SEPTIN9: variants seen among roughly 807,000 people sequenced by gnomAD.
SEPTIN9 encodes septin 9.
SEPTIN9 carries 13 observed loss-of-function variants against 56.6 expected under a neutral mutation model. That is an observed-to-expected ratio of 0.23 (90% confidence interval 0.15 to 0.37). The LOEUF (loss-of-function observed/expected upper bound fraction) is 0.37. Among genes scored for constraint, SEPTIN9 ranks in the 10% least tolerant of loss-of-function variants. The probability of loss-of-function intolerance (pLI) is 1.00; values close to 1 mark genes in which losing one functional copy is unlikely to be tolerated. For synonymous variants in SEPTIN9, 332 were observed against 334.1 expected, an observed-to-expected ratio of 0.99 and a Z score of 0.07; for missense variants, 650 against 823.1, an observed-to-expected ratio of 0.79 and a Z score of 2.57.
chr17:77,416,397 C>G (rs2036509015), intron 3 of SEPTIN9, among the ~76,000 whole-genome samples: 1 of 152,168 alleles, frequency 6.6e-6, no homozygotes, highest in Non-Finnish European at 1.5e-5. Context: ...GGATGCTTGG[C>G]GTTGGTGCTG....
Position 77,445,146 on chromosome 17 carries a change from A to C in SEPTIN9, c.722-36998A>C, listed in dbSNP as rs978405997. On this transcript the variant is annotated intron_variant, in intron 3 of 11. Coordinates refer to ENST00000427177, the MANE Select transcript of SEPTIN9 (RefSeq NM_001113491.2). The surrounding 1 kb of genome is among the most constrained non-coding windows in gnomAD (Gnocchi z 4.7). ...AGGGTTTCCCCAGCCTGCCAACCCA[A>C]GGGTGGCAGGAGCTGTGGGTGCTCC... 9 of 469,658 alleles carry C rather than the reference A, an allele frequency of 1.9e-5. No individual in the cohort carries two copies. Among genetic ancestry groups the C allele is most frequent in the Non-Finnish European group, 3.5e-5 (8 of 226,182 alleles). The allele number at this position is 469,658 out of a possible 1,614,324, so 29.1% of individuals were successfully genotyped here.
chr17:77,394,712 C>A (rs1012819199), intron 2 of SEPTIN9, among the ~76,000 whole-genome samples: 2 of 152,154 alleles, frequency 1.3e-5, no homozygotes, highest in African/African-American at 4.8e-5. Flanking sequence ...GATATGTACA[C>A]CAGGAAGTGC....
At chr17:77,387,760 A>G (rs2035386697) in intron 2 of SEPTIN9, among the ~76,000 whole-genome samples, 1 of 152,096 alleles carries the variant, frequency 6.6e-6, no homozygotes, top group African/African-American at 2.4e-5. Flanking sequence ...TGTCCCTGCC[A>G]CACTTGATGG....
rs2034367184 is a variant in SEPTIN9 at position 77,360,128 on chromosome 17, G to C, written c.77-41931G>C. Among the ~76,000 whole-genome samples the C allele has an allele frequency of 8.3e-5, 12 of 145,170 alleles. No homozygotes were observed. The South Asian group carries it at 2.6e-3, about 32-fold the overall frequency. ...GCCAAGATCACACCATTGCACTCCA[G>C]CCTGGAGAAAAAAAGCAAAACTCTG... On this transcript the variant is annotated intron_variant, in intron 2 of 11. Coordinates refer to ENST00000427177, the MANE Select transcript of SEPTIN9 (RefSeq NM_001113491.2).
At position 77,321,541 on chromosome 17, in the gene SEPTIN9, A is replaced by G. The variant is rs1598189829; in HGVS notation, c.76+14344A>G. The stretch of plus-strand genomic sequence containing the variant: ...CAGCCTCCCAAGCAGCTGGGACTAT[A>G]GGCGCCCGCCATATTTTTTTGTATT... On this transcript the variant is annotated intron_variant, in intron 2 of 11. Coordinates refer to ENST00000427177, the MANE Select transcript of SEPTIN9 (RefSeq NM_001113491.2). Among the ~76,000 whole-genome samples the G allele has an allele frequency of 2.0e-5, 3 of 149,548 alleles. No homozygotes were observed. The South Asian group carries it at 6.4e-4, about 32-fold the overall frequency.
chr17:77,412,174 G>A (rs979056673), intron 3 of SEPTIN9, among the ~76,000 whole-genome samples: 1 of 150,750 alleles, frequency 6.6e-6, no homozygotes, highest in Non-Finnish European at 1.5e-5. Context: ...TTCCTGAATT[G>A]GCCTCTAAAG....
At chr17:77,336,047 A>G (rs1004968569) in intron 2 of SEPTIN9, among the ~76,000 whole-genome samples, 6 of 35,372 alleles carry the variant, frequency 1.7e-4, no homozygotes, top group African/African-American at 3.4e-4. Flanking sequence ...ATGTGGTCCT[A>G]TATTAGTATA....
rs578209483 is a variant in SEPTIN9, at chr17:77,400,017, T to C, written c.77-2042T>C. 2.6e-5 allele frequency among the ~76,000 whole-genome samples: 4 copies of C among 152,288 alleles called. No homozygotes were observed. Among genetic ancestry groups the C allele is most frequent in the African/African-American group, 9.6e-5 (4 of 41,546 alleles). ...TTTGTGGAGACAGAGTCTCGCTCTG[T>C]CAGTCAGGCTGAGTGCAGTGACACG... On this transcript the variant is annotated intron_variant, in intron 2 of 11. Transcript: ENST00000427177. The surrounding 1 kb of genome is among the most constrained non-coding windows in gnomAD (Gnocchi z 4.1).
rs2033255948 is a variant in SEPTIN9 at position 77,329,180 on chromosome 17, T to C, written c.76+21983T>C. On this transcript the variant is annotated intron_variant, in intron 2 of 11. Transcript: ENST00000427177. The surrounding 1 kb of genome is among the most constrained non-coding windows in gnomAD (Gnocchi z 4.3). ...TGGGACCTCAGTGCCCTGTGGCTGC[T>C]GAGAATGGCCAGGGGCAGGCAGGGA... 2.0e-5 allele frequency among the ~76,000 whole-genome samples: 3 copies of C among 152,138 alleles called. No individual in the cohort carries two copies. Among genetic ancestry groups the C allele is most frequent in the African/African-American group, 7.2e-5 (3 of 41,412 alleles).
rs527532921 is a variant in SEPTIN9, at chr17:77,317,923, C to T, written c.76+10726C>T. ...AAAATTAGCCGGACACGGTGGCAGG[C>T]GTCTGTAGTCCCAGCTTCTTGGGAG... On this transcript the variant is annotated intron_variant, in intron 2 of 11. Transcript: ENST00000427177. The surrounding 1 kb of genome is among the most constrained non-coding windows in gnomAD (Gnocchi z 4.2). 7.9e-5 allele frequency among the ~76,000 whole-genome samples: 12 copies of T among 152,074 alleles called. No individual in the cohort carries two copies. The South Asian group carries it at 1.7e-3, about 21-fold the overall frequency.
At chr17:77,455,103 A>G (rs1056775579) in intron 3 of SEPTIN9, among the ~76,000 whole-genome samples, 2 of 151,494 alleles carry the variant, frequency 1.3e-5, no homozygotes, top group Non-Finnish European at 2.9e-5. Context: ...CGATTTGTCA[A>G]TGCATTCATT....
At chr17:77,474,846 TTA>T (rs1270595484) in intron 3 of SEPTIN9, among the ~76,000 whole-genome samples, 1 of 152,076 alleles carries the variant, frequency 6.6e-6, no homozygotes, top group African/African-American at 2.4e-5. Context: ...GATCCATCAG[TTA>T]TAATAGCTCC....
intron 2 of SEPTIN9, among the ~76,000 whole-genome samples, chr17:77,396,552 T>C (rs1356330736): frequency 6.6e-6 from 1 of 150,852 alleles, no homozygotes; most frequent in African/African-American, 2.5e-5. Context: ...ACTGTGAGGA[T>C]GGTGGCAGGG....
intron 3 of SEPTIN9, among the ~76,000 whole-genome samples, chr17:77,427,838 C>T (rs568825233): frequency 8.5e-5 from 13 of 152,180 alleles, no homozygotes; most frequent in African/African-American, 3.1e-4. Context: ...CTGGACAGCA[C>T]CCAGGGCTGA....
At chr17:77,289,558 G>A (rs1416532814) in intron 1 of SEPTIN9, among the ~76,000 whole-genome samples, 2 of 151,816 alleles carry the variant, frequency 1.3e-5, no homozygotes, top group Non-Finnish European at 2.9e-5. Flanking sequence ...ACAGGCCTGC[G>A]TCACCATGCC....
chr17:77,333,876 T>G (rs1355728247), intron 2 of SEPTIN9, among the ~76,000 whole-genome samples: 2 of 152,168 alleles, frequency 1.3e-5, no homozygotes, highest in Non-Finnish European at 2.9e-5. Context: ...CCAAGATCCT[T>G]GTTGGTCATT....
intron 4 of SEPTIN9, chr17:77,482,840 G>C (rs1017887439): frequency 4.3e-6 from 2 of 465,768 alleles, no homozygotes; most frequent in Non-Finnish European, 7.7e-6. Context: ...GGAGGTCGTC[G>C]ATCAGCACGA....
Position 77,455,039 on chromosome 17 carries a change from GCTCT to G in SEPTIN9, c.722-27102_722-27099del, listed in dbSNP as rs549909098. Reference sequence around the variant, plus strand: ...TGGCCGGCCGGCCTAAACGCGATTGGCTCTCTTTCTTTTTTTTTTTTCCCTCCCT... The same window carrying G: ...TGGCCGGCCGGCCTAAACGCGATTGGCTTTCTTTTTTTTTTTTCCCTCCCT... On this transcript the variant is annotated intron_variant, in intron 3 of 11. Coordinates refer to ENST00000427177, the MANE Select transcript of SEPTIN9 (RefSeq NM_001113491.2). Among the ~76,000 whole-genome samples the G allele has an allele frequency of 5.4e-3, 815 of 152,036 alleles. 4 individuals carry two copies. Among genetic ancestry groups the G allele is most frequent in the Non-Finnish European group, 8.2e-3 (559 of 67,938 alleles).
At chr17:77,466,398 C>G (rs1019160490) in intron 3 of SEPTIN9, 2 of 985,448 alleles carry the variant, frequency 2.0e-6, no homozygotes, top group South Asian at 4.7e-5. Flanking sequence ...TCCCGGAGTT[C>G]GGGCTGGAAG....
Sources: gnomAD v4.1 joint callset for allele counts (sites outside exome capture counted in the v4.1 genomes callset) on GRCh38, gnomAD v4.1.1 for gene constraint, Gnocchi (gnomAD v3.1) non-coding constraint, MANE v1.5 for transcripts, NCBI Gene and HGNC (gene_info 2026-07-23, HGNC 2026-07-21) for gene names.